Variants in ACKR3 observed in about 807,000 individuals in gnomAD.
ACKR3 encodes atypical chemokine receptor 3.
A neutral mutation model predicts 22.4 loss-of-function variants in ACKR3; 6 were observed. The ratio of observed to expected loss-of-function variants is 0.27; its 90% CI spans 0.15 to 0.53. The LOEUF (loss-of-function observed/expected upper bound fraction) is 0.53, where lower values mean the gene tolerates loss of function less well. Among genes scored for constraint, ACKR3 ranks in the 20% least tolerant of loss-of-function variants. The pLI is 0.96. For synonymous variants in ACKR3, 209 were observed against 205.2 expected (o/e 1.02, Z -0.16); for missense variants, 396 against 475.2 (o/e 0.83, Z 1.55).
rs10177953 is a variant in ACKR3 at position 236,574,031 on chromosome 2, T to C, written c.-27+4107T>C. Among the ~76,000 whole-genome samples, 7,518 of 152,110 alleles carry C rather than the reference T, an allele frequency of 0.049. 600 individuals are homozygous for C. The highest frequency in any genetic ancestry group is 0.17 in the African/African-American group (7,103 of 41,458). On this transcript the variant is annotated intron_variant, in intron 1 of 1. Coordinates refer to ENST00000272928, the MANE Select transcript of ACKR3 (RefSeq NM_020311.3). This position sits in a 1 kb window ranked among gnomAD's most constrained non-coding sequence, Gnocchi z 5.6. ...GAGTAGAAACCCCTCATTTTCCTGC[T>C]GAAGGGGCATGCACCACCTTGCTCA...
At chr2:236,543,597 G>A in the ACKR3 span, among the ~76,000 whole-genome samples, 235 of 152,266 alleles carry the variant, frequency 1.5e-3, 1 homozygote, top group African/African-American at 5.5e-3. Context: ...GTAAAGAGAT[G>A]AAGCCCTCAC....
the ACKR3 span, among the ~76,000 whole-genome samples, chr2:236,544,644 G>A: frequency 4.2e-4 from 64 of 152,324 alleles, no homozygotes; most frequent in African/African-American, 1.5e-3. This position sits in a 1 kb window ranked among gnomAD's most constrained non-coding sequence, Gnocchi z 5.0. Flanking sequence ...GAAGACGAAG[G>A]CAGAATGAAG....
chr2:236,557,253 C>CGT, the ACKR3 span, among the ~76,000 whole-genome samples: 7,566 of 139,946 alleles, frequency 0.054, 213 homozygotes, highest in South Asian at 0.088. Context: ...TTCATGTGAA[C>CGT]GTATGTGTGT....
In ACKR3 at chr2:236,578,246, C is replaced by G. The variant is rs548388609; in HGVS notation, c.-26-2194C>G. Among the ~76,000 whole-genome samples the G allele has an allele frequency of 5.9e-5, 9 of 152,312 alleles. No homozygotes were observed. The East Asian group carries it at 1.7e-3, about 29-fold the overall frequency. On this transcript the variant is annotated intron_variant, in intron 1 of 1. Coordinates refer to ENST00000272928, the MANE Select transcript of ACKR3 (RefSeq NM_020311.3). ...GTCTGGCAGGACAGGGTGTCCTCAG[C>G]TCCCTGCTGGGCCTACGTCCTTTTG...
the ACKR3 span, among the ~76,000 whole-genome samples, chr2:236,540,898 T>A: frequency 6.6e-6 from 1 of 152,254 alleles, no homozygotes; most frequent in Non-Finnish European, 1.5e-5. Context: ...TGTAACTTTA[T>A]AGTAAGTATT....
rs1267826918 is a variant in ACKR3 at position 236,580,915 on chromosome 2, C to T, written c.450C>T (p.Thr150=). 6.2e-7 allele frequency: 1 copy of T among 1,614,080 alleles called. No individual in the cohort carries two copies. The highest frequency in any genetic ancestry group is 1.7e-5 in the Admixed American group (1 of 60,008). ...GCTACCTCTCCATCACCTACTTCAC[C>T]AACACCCCCAGCAGCAGGAAGAAGA... ...VDRYLSITYF[T]NTPSSRKKMV... The change falls in exon 2 of 2, where the codon ACC becomes ACT. Residue 150 remains threonine, a synonymous_variant. Transcript: ENST00000272928.
At chr2:236,559,241 G>GT in the ACKR3 span, among the ~76,000 whole-genome samples, 2 of 152,134 alleles carry the variant, frequency 1.3e-5, no homozygotes, top group Non-Finnish European at 2.9e-5. Flanking sequence ...TCTATTCGGG[G>GT]TTTTTTCTTT....
At chr2:236,580,412 C>G in intron 1 of ACKR3, 28 bp from the exon 2 acceptor site, 3 of 1,556,870 alleles carry the variant, frequency 1.9e-6, no homozygotes, top group Non-Finnish European at 2.6e-6. Context: ...CCTCTTCCAT[C>G]TTTTTTGTTT....
chr2:236,581,237 G>A lies in ACKR3; in HGVS notation c.772G>A (p.Val258Met), dbSNP rs200582844. The part of the protein sequence containing the change: ...HSSRKIIFSY[V>M]VVFLVCWLPY... ...CAGCCGGAAGATCATCTTCTCCTAC[G>A]TGGTGGTCTTCCTTGTCTGCTGGCT... The change falls in exon 2 of 2, where the codon GTG becomes ATG. Residue 258 changes from valine (V) to methionine (M), a missense_variant. Coordinates refer to ENST00000272928, the MANE Select transcript of ACKR3 (RefSeq NM_020311.3). The surrounding 1 kb of genome is among the most constrained non-coding windows in gnomAD (Gnocchi z 4.4). 1.2e-6 allele frequency: 2 copies of A among 1,614,028 alleles called. No homozygotes were observed. Among genetic ancestry groups the A allele is most frequent in the Non-Finnish European group, 1.7e-6 (2 of 1,179,950 alleles).
chr2:236,571,029 T>TG (rs1250766561), intron 1 of ACKR3, among the ~76,000 whole-genome samples: 3 of 152,230 alleles, frequency 2.0e-5, no homozygotes, highest in Non-Finnish European at 4.4e-5. Flanking sequence ...TAAAGGCAGA[T>TG]GCTGCTTTTA....
intron 1 of ACKR3, among the ~76,000 whole-genome samples, chr2:236,579,061 C>G (rs1691469648): frequency 6.6e-6 from 1 of 152,134 alleles, no homozygotes; most frequent in African/African-American, 2.4e-5. Flanking sequence ...GACAGATTAA[C>G]TCTCAAGGTA....
the ACKR3 span, among the ~76,000 whole-genome samples, chr2:236,543,992 T>TAC: frequency 3.5e-5 from 2 of 56,424 alleles, no homozygotes; most frequent in African/African-American, 1.6e-4. Context: ...TATATATATA[T>TAC]ACACTTTTTT....
At chr2:236,543,603 C>A in the ACKR3 span, among the ~76,000 whole-genome samples, 2 of 152,054 alleles carry the variant, frequency 1.3e-5, no homozygotes, top group African/African-American at 4.8e-5. Flanking sequence ...AGATGAAGCC[C>A]TCACCCTCCA....
chr2:236,572,920 A>G (rs1460072533), intron 1 of ACKR3, among the ~76,000 whole-genome samples: 1 of 152,204 alleles, frequency 6.6e-6, no homozygotes, highest in Non-Finnish European at 1.5e-5. Flanking sequence ...TTCTGTAGTT[A>G]TTATTTTTTG....
chr2:236,564,236 T>TC (rs1372051450), upstream of ACKR3, among the ~76,000 whole-genome samples: 1 of 152,156 alleles, frequency 6.6e-6, no homozygotes, highest in Non-Finnish European at 1.5e-5. Context: ...ATTGGAGGCC[T>TC]CTAAAGGGTA....
chr2:236,561,364 C>G, the ACKR3 span, among the ~76,000 whole-genome samples: 2 of 152,250 alleles, frequency 1.3e-5, no homozygotes, highest in Non-Finnish European at 2.9e-5. Flanking sequence ...AATCCATGAA[C>G]AAGATCCTTC....
upstream of ACKR3, among the ~76,000 whole-genome samples, chr2:236,565,061 T>C (rs1168245681): frequency 6.6e-6 from 1 of 152,176 alleles, no homozygotes; most frequent in Non-Finnish European, 1.5e-5. Context: ...CCTTGGAACG[T>C]ATATCTGTTG....
chr2:236,561,211 T>A, the ACKR3 span, among the ~76,000 whole-genome samples: 1 of 151,920 alleles, frequency 6.6e-6, no homozygotes, highest in African/African-American at 2.4e-5. Flanking sequence ...ATGTATAACA[T>A]TATATCTAGT....
chr2:236,575,567 CTG>C (rs71995449), intron 1 of ACKR3, among the ~76,000 whole-genome samples: 3,601 of 84,820 alleles, frequency 0.042, 140 homozygotes, highest in African/African-American at 0.13. Context: ...GTGTGTGTGT[CTG>C]GGGTTGTGCT....
Sources: gnomAD v4.1 joint callset for allele counts (sites outside exome capture counted in the v4.1 genomes callset) on GRCh38, gnomAD v4.1.1 for gene constraint, Gnocchi (gnomAD v3.1) non-coding constraint, MANE v1.5 for transcripts, NCBI Gene and HGNC (gene_info 2026-07-23, HGNC 2026-07-21) for gene names.